RBBP8: variants seen among roughly 807,000 people sequenced by gnomAD.
The protein encoded by RBBP8 is DNA endonuclease RBBP8.
Under a neutral mutation model 108.3 loss-of-function variants are expected in RBBP8, and 88 were observed. The observed-to-expected ratio is 0.81, with a 90% CI of 0.68 to 0.97. The LOEUF is 0.97. Ranked by LOEUF, RBBP8 falls within the 50% of genes least tolerant of loss-of-function variation. The probability of loss-of-function intolerance (pLI) is 0.00; values close to 1 mark genes in which losing one functional copy is unlikely to be tolerated. For missense variants in RBBP8, 1,023 were observed against 1,049.0 expected, an observed-to-expected ratio of 0.98 and a Z score of 0.34; for synonymous variants, 332 against 348.2, an observed-to-expected ratio of 0.95 and a Z score of 0.52.
intron 8 of RBBP8, among the ~76,000 whole-genome samples, chr18:22,986,499 A>G (rs1161650163): frequency 6.6e-6 from 1 of 152,240 alleles, no homozygotes; most frequent in Non-Finnish European, 1.5e-5. Context: ...GACATTTTGC[A>G]GTAAAGAGGA....
intron 6 of RBBP8, among the ~76,000 whole-genome samples, chr18:22,981,878 G>T (rs550377319): frequency 1.3e-5 from 2 of 152,056 alleles, no homozygotes; most frequent in Non-Finnish European, 2.9e-5. Context: ...CATGGCTCTC[G>T]TTCATGTAAT....
intron 16 of RBBP8, among the ~76,000 whole-genome samples, chr18:23,009,567 T>G (rs938819800): frequency 2.6e-5 from 4 of 151,002 alleles, no homozygotes; most frequent in Non-Finnish European, 4.4e-5. Flanking sequence ...ACACAAAGTA[T>G]GTACATTGTA....
At chr18:22,966,749 G>A (rs36087784) in intron 4 of RBBP8, among the ~76,000 whole-genome samples, 1 of 129,908 alleles carries the variant, frequency 7.7e-6, no homozygotes, top group African/African-American at 2.9e-5. Flanking sequence ...TTTGGAGAGA[G>A]AGAGTCTTAC....
At chr18:22,960,573 C>G (rs540789093) in intron 4 of RBBP8, among the ~76,000 whole-genome samples, 106 of 152,218 alleles carry the variant, frequency 7.0e-4, no homozygotes, top group African/African-American at 2.4e-3. Context: ...ATTATCAATG[C>G]TTATATTACA....
At chr18:22,950,571 CAAAAA>C (rs59778562) in intron 4 of RBBP8, among the ~76,000 whole-genome samples, 1 of 137,538 alleles carries the variant, frequency 7.3e-6, no homozygotes, top group Non-Finnish European at 1.6e-5. Context: ...ACCGTGTCTC[CAAAAA>C]AAAAAAAAAA....
upstream of RBBP8, among the ~76,000 whole-genome samples, chr18:22,932,428 T>C (rs1419981624): frequency 2.0e-5 from 3 of 152,252 alleles, no homozygotes; most frequent in Non-Finnish European, 4.4e-5. Flanking sequence ...AACAGGCTAA[T>C]AGAAGGTTTA....
At chr18:23,015,422 T>C (rs1305970086) in intron 16 of RBBP8, among the ~76,000 whole-genome samples, 2 of 152,206 alleles carry the variant, frequency 1.3e-5, no homozygotes, top group Non-Finnish European at 2.9e-5. Flanking sequence ...TTTCAGCCAG[T>C]GAAAGGCAGA....
At position 22,950,718 on chromosome 18, in the gene RBBP8, C is replaced by G. The variant is rs140442048; in HGVS notation, c.248+1005C>G. ...AGATGATTGCTTGAGTCCAGTAGTT[C>G]AAAACCAGCGTCGCAGTATAGCAAG... On this transcript the variant is annotated intron_variant, in intron 4 of 18. Coordinates refer to ENST00000327155, the MANE Select transcript of RBBP8 (RefSeq NM_002894.3). Among the ~76,000 whole-genome samples, 952 of 152,146 alleles carry G rather than the reference C, an allele frequency of 6.3e-3. 10 individuals are homozygous for G. The highest frequency in any genetic ancestry group is 0.029 in the South Asian group (141 of 4,816).
chr18:22,954,784 G>T (rs796470035), intron 4 of RBBP8, among the ~76,000 whole-genome samples: 1 of 152,150 alleles, frequency 6.6e-6, no homozygotes, highest in African/African-American at 2.4e-5. Flanking sequence ...ATGGCGAAGG[G>T]GGAGTAAACA....
chr18:22,965,855 G>A lies in RBBP8; in HGVS notation c.249-2951G>A, dbSNP rs149738883. On this transcript the variant is annotated intron_variant, in intron 4 of 18. Coordinates refer to ENST00000327155, the MANE Select transcript of RBBP8 (RefSeq NM_002894.3). ...CTGTCTAATAGCATTTTCTGTGATC[G>A]TGGAAATTGTTCTAAATCTGCACTG... is the stretch of plus-strand genomic sequence containing the variant. Among the ~76,000 whole-genome samples the A allele has an allele frequency of 9.2e-3, 1,397 of 152,288 alleles. 28 individuals are homozygous for A. Among genetic ancestry groups the A allele is most frequent in the East Asian group, 0.083 (428 of 5,180 alleles).
intron 16 of RBBP8, among the ~76,000 whole-genome samples, chr18:23,007,753 G>A (rs1261146097): frequency 4.0e-5 from 6 of 149,182 alleles, no homozygotes; most frequent in African/African-American, 1.5e-4. Context: ...TTATGCTTCA[G>A]AATTATTTTA....
At position 22,978,209 on chromosome 18, in the gene RBBP8, G is replaced by A. The variant is rs908841519; in HGVS notation, c.428+2990G>A. Reference sequence around the variant, plus strand: ...GGAAACCCCAGATCCATAATTATAGGTCTTTAGGGAAGAAACCAACTAAAA... The same window carrying A: ...GGAAACCCCAGATCCATAATTATAGATCTTTAGGGAAGAAACCAACTAAAA... On this transcript the variant is annotated intron_variant, in intron 6 of 18. Transcript: ENST00000327155. Among the ~76,000 whole-genome samples, 30 of 152,274 alleles carry A rather than the reference G, an allele frequency of 2.0e-4. No homozygotes were observed. The East Asian group carries it at 5.8e-3, about 29-fold the overall frequency.
Position 23,026,202 on chromosome 18 carries a change from G to C in RBBP8, c.2656G>C (p.Ala886Pro), listed in dbSNP as rs373041053. The change falls in exon 19 of 19, where the codon GCA (alanine) becomes CCA (proline). Residue 886 changes from alanine to proline, a missense_variant. Coordinates refer to ENST00000327155, the MANE Select transcript of RBBP8 (RefSeq NM_002894.3). ...TCCAAAAAGACGTCAGCCTTACAAC[G>C]CAATATTTTCTCCAAAAGGCAAGGA... The part of the protein sequence containing the change: ...PRPKRRQPYN[A>P]IFSPKGKEQK... The C allele has an allele frequency of 3.3e-5, 53 of 1,613,606 alleles. No individual in the cohort carries two copies. Among genetic ancestry groups the C allele is most frequent in the Non-Finnish European group, 4.3e-5 (51 of 1,179,756 alleles).
chr18:23,002,237 T>A (rs529494599), intron 15 of RBBP8, among the ~76,000 whole-genome samples: 1 of 152,146 alleles, frequency 6.6e-6, no homozygotes, highest in South Asian at 2.1e-4. Flanking sequence ...GGCAATGTGA[T>A]AAAACCTCAT....
intron 2 of RBBP8, among the ~76,000 whole-genome samples, chr18:22,916,211 C>T (rs899850077): frequency 7.2e-5 from 11 of 151,990 alleles, no homozygotes; most frequent in Non-Finnish European, 1.5e-4. Context: ...TGCACAATTT[C>T]GCATAACTCT....
At chr18:22,937,503 T>C (rs1296740482) in intron 2 of RBBP8, among the ~76,000 whole-genome samples, 1 of 151,964 alleles carries the variant, frequency 6.6e-6, no homozygotes, top group African/African-American at 2.4e-5. Context: ...TTTTTTTATT[T>C]TTTTTGAGAC....
At chr18:22,923,585 C>A (rs2144342117) in intron 3 of RBBP8, among the ~76,000 whole-genome samples, 1 of 152,252 alleles carries the variant, frequency 6.6e-6, no homozygotes, top group East Asian at 1.9e-4. Flanking sequence ...TAAGACTTGT[C>A]TAGGAAACAT....
intron 12 of RBBP8, among the ~76,000 whole-genome samples, chr18:22,995,827 T>C (rs962397422): frequency 1.3e-5 from 2 of 152,252 alleles, no homozygotes; most frequent in African/African-American, 4.8e-5. Flanking sequence ...TTTTTTGCTA[T>C]TATGAACAAT....
intron 4 of RBBP8, among the ~76,000 whole-genome samples, chr18:22,956,670 C>T (rs542938295): frequency 4.0e-4 from 61 of 152,220 alleles, no homozygotes; most frequent in African/African-American, 1.5e-3. Flanking sequence ...GTAATTCAGC[C>T]TACTCTTCAT....
Sources: gnomAD v4.1 joint callset for allele counts (sites outside exome capture counted in the v4.1 genomes callset) on GRCh38, gnomAD v4.1.1 for gene constraint, MANE v1.5 for transcripts, NCBI Gene and HGNC (gene_info 2026-07-23, HGNC 2026-07-21) for gene names.